The following SHANK2 variants were observed in gnomAD, a reference collection of about 807,000 sequenced individuals.
The protein encoded by SHANK2 is SH3 and multiple ankyrin repeat domains protein 2.
A neutral mutation model predicts 133.7 loss-of-function variants in SHANK2; 43 were observed. The ratio of observed to expected loss-of-function variants is 0.32; its 90% CI spans 0.25 to 0.41. The LOEUF (loss-of-function observed/expected upper bound fraction) is 0.41, where lower values mean the gene tolerates loss of function less well. Ranked by LOEUF, SHANK2 falls within the 10% of genes least tolerant of loss-of-function variation. SHANK2 has a pLI of 1.00. For missense variants in SHANK2, 1,994 were observed against 2,235.8 expected, an observed-to-expected ratio of 0.89 and a Z score of 2.18; for synonymous variants, 1,017 against 952.8, an observed-to-expected ratio of 1.07 and a Z score of -1.24.
chr11:71,160,264 C>G (rs527707654), intron 2 of SHANK2, among the ~76,000 whole-genome samples: 10 of 152,142 alleles, frequency 6.6e-5, no homozygotes, highest in Non-Finnish European at 1.5e-4. Flanking sequence ...TGTCATCCCC[C>G]CTTAAAGCAG....
chr11:70,578,039 G>A lies in SHANK2; in HGVS notation c.2062-75108C>T, dbSNP rs1209590179. ...GATCTCCCATTCCAGCCTCCAGAAT[G>A]TGAGCCCACCAACGTCCCGTGTAAG... On this transcript the variant is annotated intron_variant, in intron 17 of 25. Transcript: ENST00000601538. Among the ~76,000 whole-genome samples the A allele has an allele frequency of 3.3e-5, 5 of 152,300 alleles. No individual in the cohort carries two copies. In the East Asian group the frequency reaches 5.8e-4, roughly 18 times the overall value.
chr11:70,867,340 G>C (rs1353324570), intron 11 of SHANK2, among the ~76,000 whole-genome samples: 4 of 152,224 alleles, frequency 2.6e-5, no homozygotes, highest in Non-Finnish European at 5.9e-5. Flanking sequence ...ACACGTCTTG[G>C]CTCCACACGG....
intron 7 of SHANK2, among the ~76,000 whole-genome samples, chr11:71,092,822 C>A (rs895522582): frequency 6.6e-6 from 1 of 152,112 alleles, no homozygotes; most frequent in East Asian, 1.9e-4. Context: ...AGGTGGATCA[C>A]CCGGGGTCAG....
intron 17 of SHANK2, among the ~76,000 whole-genome samples, chr11:70,517,705 G>A (rs1403769859): frequency 6.6e-6 from 1 of 152,212 alleles, no homozygotes; most frequent in Admixed American, 6.5e-5. Flanking sequence ...AAGGGCTCAG[G>A]GGGAGGGAAG....
In SHANK2 at chr11:70,486,830, T is replaced by C; in HGVS notation, c.3463A>G (p.Asn1155Asp). ...MPSATPREPE[N>D]HFVGGAEASA... ...GCCTCGGCGCCACCCACGAAATGGTTTTCGGGCTCCCTGGGCGTGGCACTC... is the reference window on the plus strand; with the variant it reads ...GCCTCGGCGCCACCCACGAAATGGTCTTCGGGCTCCCTGGGCGTGGCACTC... Residue 1155 changes from asparagine to aspartate, a missense_variant, in exon 25 of 26, where the codon AAC becomes GAC. Around this residue, in one of 5 missense-constraint regions of SHANK2, gnomAD observed 797 missense variants for 907.4 expected, o/e 0.88. Coordinates refer to ENST00000601538, the MANE Select transcript of SHANK2 (RefSeq NM_012309.5). The surrounding 1 kb of genome is among the most constrained non-coding windows in gnomAD (Gnocchi z 8.0). The C allele has an allele frequency of 6.2e-7, 1 of 1,612,640 alleles. No individual in the cohort carries two copies. The highest frequency in any genetic ancestry group is 2.2e-5 in the East Asian group (1 of 44,850).
chr11:70,651,557 C>G (rs973248245), intron 17 of SHANK2, among the ~76,000 whole-genome samples: 6 of 152,208 alleles, frequency 3.9e-5, no homozygotes, highest in Non-Finnish European at 7.3e-5. Flanking sequence ...TGCTGTTGGC[C>G]TCAGAGACTG....
chr11:70,884,221 G>A (rs1003965501), intron 11 of SHANK2, among the ~76,000 whole-genome samples: 1 of 152,206 alleles, frequency 6.6e-6, no homozygotes, highest in Non-Finnish European at 1.5e-5. Context: ...ATAATAACGG[G>A]GTCAGGGGGT....
At chr11:70,788,315 T>A (rs973538316) in intron 14 of SHANK2, among the ~76,000 whole-genome samples, 1 of 152,228 alleles carries the variant, frequency 6.6e-6, no homozygotes, top group Admixed American at 6.5e-5. Context: ...CCTTTATCCA[T>A]GGTTTCACTT....
At chr11:71,098,164 T>C (rs1565449404) in intron 6 of SHANK2, among the ~76,000 whole-genome samples, 1 of 150,954 alleles carries the variant, frequency 6.6e-6, no homozygotes, top group Non-Finnish European at 1.5e-5. Context: ...TGTGTGCATG[T>C]GCATGCCTGT....
chr11:70,728,126 C>T (rs1946211994), intron 14 of SHANK2, among the ~76,000 whole-genome samples: 1 of 152,176 alleles, frequency 6.6e-6, no homozygotes, highest in Non-Finnish European at 1.5e-5. Flanking sequence ...CCTGGCGGCT[C>T]CCTGTTGACT....
intron 11 of SHANK2, among the ~76,000 whole-genome samples, chr11:70,866,885 C>T (rs1025054681): frequency 9.9e-5 from 15 of 152,160 alleles, no homozygotes; most frequent in Non-Finnish European, 1.8e-4. Context: ...TGACGGCCCT[C>T]GCTGGTCTTG....
rs1245059828 is a variant in SHANK2, at chr11:71,073,148, TTTTTTTTCTTTTTTTTC to T, written c.1029+1994_1029+2010del. ...TTTTGTTTTTTTTCTTTTTCTTTTC[TTTTTTTTCTTTTTTTTC>T]TTTTTTTTTTTGAGATAGAGTCTTG... On this transcript the variant is annotated intron_variant, in intron 9 of 25. Coordinates refer to ENST00000601538, the MANE Select transcript of SHANK2 (RefSeq NM_012309.5). 2.9e-3 allele frequency among the ~76,000 whole-genome samples: 99 copies of T among 33,888 alleles called. 28 individuals are homozygous for T. In the South Asian group the frequency reaches 0.1, roughly 35 times the overall value. 22.2% of individuals were successfully genotyped at this position (33,888 alleles called of 152,430 possible).
At chr11:70,645,583 G>A (rs1555007948) in intron 17 of SHANK2, among the ~76,000 whole-genome samples, 1 of 152,186 alleles carries the variant, frequency 6.6e-6, no homozygotes, top group Non-Finnish European at 1.5e-5. Flanking sequence ...GACCCCACAC[G>A]GGTGCTGCCG....
At chr11:70,504,749 G>A (rs559925806) in intron 17 of SHANK2, among the ~76,000 whole-genome samples, 2 of 152,200 alleles carry the variant, frequency 1.3e-5, no homozygotes, top group South Asian at 4.2e-4. Context: ...GAAAGCAGAT[G>A]GATTTAGGAA....
chr11:71,110,323 A>C (rs1485911064), intron 5 of SHANK2, among the ~76,000 whole-genome samples: 1 of 152,204 alleles, frequency 6.6e-6, no homozygotes, highest in Non-Finnish European at 1.5e-5. Flanking sequence ...CTGTAGTCCC[A>C]GCTACTCGGG....
In SHANK2 at chr11:70,479,517, G is replaced by A. The variant is rs2058705345; in HGVS notation, c.4979+5797C>T. Among the ~76,000 whole-genome samples the A allele has an allele frequency of 6.6e-6, 1 of 152,186 alleles. No individual in the cohort carries two copies. The highest frequency in any genetic ancestry group is 1.5e-5 in the Non-Finnish European group (1 of 68,034). On this transcript the variant is annotated intron_variant, in intron 25 of 25. Transcript: ENST00000601538. This position sits in a 1 kb window ranked among gnomAD's most constrained non-coding sequence, Gnocchi z 4.4. ...GCCTCTGGGACCTGGAGTTTCACAG[G>A]ACAAATCTCCCTGAAGCCCATCCAT...
chr11:70,489,574 G>A (rs1011593916), intron 23 of SHANK2: 4 of 584,880 alleles, frequency 6.8e-6, no homozygotes, highest in Non-Finnish European at 1.2e-5. Flanking sequence ...CAGTGCCCCT[G>A]GGGTGGGCTG....
intron 15 of SHANK2, among the ~76,000 whole-genome samples, chr11:70,675,455 A>T (rs1944889108): frequency 6.6e-6 from 1 of 152,242 alleles, no homozygotes; most frequent in Admixed American, 6.5e-5. Context: ...CTGGAGGCAA[A>T]GCCAGGCTGT....
intron 14 of SHANK2, among the ~76,000 whole-genome samples, chr11:70,713,835 C>T (rs1555026701): frequency 1.3e-5 from 2 of 152,226 alleles, no homozygotes. Context: ...CTCCCAGCAA[C>T]ACTACAAGAA....
Sources: allele counts gnomAD v4.1 joint callset (sites outside exome capture counted in the v4.1 genomes callset), GRCh38; gene constraint gnomAD v4.1.1; regional missense constraint gnomAD v4.1.1; non-coding constraint Gnocchi (gnomAD v3.1); transcripts MANE v1.5; gene names NCBI Gene and HGNC (gene_info 2026-07-23, HGNC 2026-07-21).